Variants in HAUS2 observed in about 807,000 individuals in gnomAD.
HAUS2 encodes the protein HAUS augmin-like complex subunit 2.
In HAUS2, 20 loss-of-function variants were observed where a neutral mutation model predicts 21.6. The ratio of observed to expected loss-of-function variants is 0.93; its 90% CI spans 0.65 to 1.35. The LOEUF (loss-of-function observed/expected upper bound fraction) is 1.35, where lower values mean the gene tolerates loss of function less well. Among genes scored for constraint, HAUS2 ranks in the 40% most tolerant of loss-of-function variants. HAUS2 has a pLI of 0.00. For synonymous variants in HAUS2, 113 were observed against 95.6 expected (o/e 1.18, Z -1.06); for missense variants, 297 against 280.7 (o/e 1.06, Z -0.42).
At position 42,569,928 on chromosome 15, in the gene HAUS2, GTTTATT is replaced by G. The variant is rs922293774; in HGVS notation, c.*3116_*3121del. On this transcript the variant is annotated 3_prime_UTR_variant, in exon 6 of 6. Coordinates refer to ENST00000260372, the MANE Select transcript of HAUS2 (RefSeq NM_018097.3). ...GTCACAAATATTGATATGCCTGGTT[GTTTATT>G]TTTGTTTTCTATTATGCCTTTTTCA... The G allele has an allele frequency of 2.6e-5, 4 of 151,976 alleles. No individual in the cohort carries two copies. The highest frequency in any genetic ancestry group is 9.7e-5 in the African/African-American group (4 of 41,374). 9.4% of individuals were successfully genotyped at this position (151,976 alleles called of 1,614,324 possible).
chr15:42,559,501 C>T (rs780328799), intron 3 of HAUS2, 93 bp downstream of exon 3: 38 of 738,316 alleles, frequency 5.1e-5, no homozygotes, highest in Non-Finnish European at 8.5e-5. Context: ...TATGATACAC[C>T]ATCATTTTTC....
chr15:42,556,625 C>T (rs1225633428), intron 1 of HAUS2, among the ~76,000 whole-genome samples: 1 of 152,086 alleles, frequency 6.6e-6, no homozygotes, highest in African/African-American at 2.4e-5. Context: ...AAAACCATGC[C>T]TGGTTCACAG....
At chr15:42,550,676 CTT>C in intron 1 of HAUS2, among the ~76,000 whole-genome samples, 1 of 149,534 alleles carries the variant, frequency 6.7e-6, no homozygotes, top group African/African-American at 2.4e-5. Context: ...CCTGTGTTTT[CTT>C]TTTTTTTTGA....
chr15:42,549,052 T>C, intron 1 of HAUS2, 87 bp downstream of exon 1: 5 of 859,008 alleles, frequency 5.8e-6, no homozygotes, highest in Non-Finnish European at 9.5e-6. Context: ...GCTGTGGGAG[T>C]GGTGAGGGTC....
At chr15:42,558,834 TG>T in intron 2 of HAUS2, among the ~76,000 whole-genome samples, 2 of 152,046 alleles carry the variant, frequency 1.3e-5, no homozygotes, top group East Asian at 4.0e-4. Flanking sequence ...GGCACACACC[TG>T]TAGTCCCAGC....
At chr15:42,566,533 G>T in intron 5 of HAUS2, 74 bp from the exon 6 acceptor site, 1 of 826,188 alleles carries the variant, frequency 1.2e-6, no homozygotes, top group South Asian at 1.5e-5. Context: ...GTTAACCTTT[G>T]GTATCAGTTA....
Position 42,559,349 on chromosome 15 carries a change from A to C in HAUS2, c.197A>C (p.Glu66Ala). 1 of 1,597,878 alleles carries C rather than the reference A, an allele frequency of 6.3e-7. No individual in the cohort carries two copies. The highest frequency in any genetic ancestry group is 1.1e-5 in the South Asian group (1 of 90,716). Residue 66 changes from glutamate to alanine, a missense_variant, in exon 3 of 6, where the codon GAA becomes GCA. By Grantham distance (107) the Glu-to-Ala change is moderately radical (BLOSUM62 -1). Transcript: ENST00000260372. The part of the protein sequence containing the change: ...IQAEIYQKNL[E>A]IELLKLEKDT... ...TTGTTCCTCATGTAGAAAAACCTGG[A>C]AATTGAACTCCTGAAACTAGAAAAA...
Position 42,567,696 on chromosome 15 carries a change from T to C in HAUS2, c.*880T>C, listed in dbSNP as rs2057919663. ...CATCTCTGGTAGAAATATAAAAAAT[T>C]AACCGGGCATGGTGGTGGACGCCTG... On this transcript the variant is annotated 3_prime_UTR_variant, in exon 6 of 6. Transcript: ENST00000260372. The C allele has an allele frequency of 6.6e-6, 1 of 152,116 alleles. No homozygotes were observed. Among genetic ancestry groups the C allele is most frequent in the African/African-American group, 2.4e-5 (1 of 41,384 alleles). 9.4% of individuals were successfully genotyped at this position (152,116 alleles called of 1,614,324 possible).
chr15:42,550,421 A>G (rs1422035007), intron 1 of HAUS2, among the ~76,000 whole-genome samples: 3 of 152,216 alleles, frequency 2.0e-5, no homozygotes, highest in East Asian at 3.8e-4. Context: ...GGCTTAGACC[A>G]AGAAACTTGC....
At chr15:42,563,226 C>A (rs1179427479) in intron 4 of HAUS2, among the ~76,000 whole-genome samples, 1 of 151,296 alleles carries the variant, frequency 6.6e-6, no homozygotes, top group African/African-American at 2.4e-5. Context: ...ACCATCCTGG[C>A]CAACATAATG....
chr15:42,559,733 A>G (rs931872243), intron 3 of HAUS2, among the ~76,000 whole-genome samples: 1 of 152,180 alleles, frequency 6.6e-6, no homozygotes, highest in Non-Finnish European at 1.5e-5. Flanking sequence ...TATTTTAATG[A>G]GATGGGGTCT....
At chr15:42,559,482 C>A in intron 3 of HAUS2, 74 bp downstream of exon 3, 3 of 845,088 alleles carry the variant, frequency 3.5e-6, no homozygotes, top group South Asian at 1.4e-5. Flanking sequence ...AAGCACCAGT[C>A]AGTCAAATTA....
At chr15:42,553,467 T>A (rs2057744344) in intron 1 of HAUS2, among the ~76,000 whole-genome samples, 1 of 143,968 alleles carries the variant, frequency 6.9e-6, no homozygotes. Context: ...CCCCAATCCC[T>A]GATACTTTTT....
intron 1 of HAUS2, among the ~76,000 whole-genome samples, chr15:42,550,284 GA>G (rs61442261): frequency 0.12 from 12,071 of 98,274 alleles, 522 homozygotes; most frequent in South Asian, 0.22. Flanking sequence ...CTGTCTCAGG[GA>G]AAAAAAAAAA....
intron 4 of HAUS2, among the ~76,000 whole-genome samples, chr15:42,563,503 T>C (rs1401979798): frequency 2.0e-5 from 3 of 152,170 alleles, no homozygotes; most frequent in Admixed American, 6.5e-5. Flanking sequence ...AACATTAAGT[T>C]GGATTCCAGA....
At chr15:42,559,729 A>G (rs1329640241) in intron 3 of HAUS2, among the ~76,000 whole-genome samples, 4 of 152,148 alleles carry the variant, frequency 2.6e-5, no homozygotes, top group African/African-American at 7.2e-5. Flanking sequence ...TTTTTATTTT[A>G]ATGAGATGGG....
intron 3 of HAUS2, chr15:42,560,770 ATT>A (rs991304824): frequency 2.7e-5 from 19 of 700,670 alleles, no homozygotes; most frequent in Non-Finnish European, 4.2e-5. Context: ...TGTTTTTTCA[ATT>A]TTTTTGTAGA....
rs534163378 is a variant in HAUS2, at chr15:42,550,910, G to A, written c.93+1945G>A. ...TCTCGATCTCCTGACCTCGTGATCTGCCTGCCTCTGCCTCCCAAAGTGCTG... is the reference window on the plus strand; with the variant it reads ...TCTCGATCTCCTGACCTCGTGATCTACCTGCCTCTGCCTCCCAAAGTGCTG... On this transcript the variant is annotated intron_variant, in intron 1 of 5. Transcript: ENST00000260372. Among the ~76,000 whole-genome samples, 526 of 151,814 alleles carry A rather than the reference G, an allele frequency of 3.5e-3. 2 individuals carry two copies. The highest frequency in any genetic ancestry group is 5.7e-3 in the Non-Finnish European group (384 of 67,896).
intron 1 of HAUS2, among the ~76,000 whole-genome samples, chr15:42,549,470 A>G (rs948237658): frequency 2.6e-5 from 4 of 151,730 alleles, no homozygotes; most frequent in African/African-American, 9.7e-5. Context: ...TATATGAGAC[A>G]GAGTCTCGCT....
Sources: gnomAD v4.1 joint callset for allele counts (sites outside exome capture counted in the v4.1 genomes callset) on GRCh38, gnomAD v4.1.1 for gene constraint, MANE v1.5 for transcripts, NCBI Gene and HGNC (gene_info 2026-07-23, HGNC 2026-07-21) for gene names.